Variants in MAPT observed in about 807,000 individuals in gnomAD.
The protein encoded by MAPT is microtubule associated protein tau, also known as microtubule-associated protein tau.
MAPT carries 34 observed loss-of-function variants against 67.9 expected under a neutral mutation model. The ratio of observed to expected loss-of-function variants is 0.50; its 90% CI spans 0.38 to 0.67. MAPT has a LOEUF of 0.67. MAPT is among the 30% of genes least tolerant of loss of function. MAPT has a pLI of 0.00. For synonymous variants in MAPT, 456 were observed against 464.5 expected (o/e 0.98, Z 0.23); for missense variants, 881 against 1,115.2 (o/e 0.79, Z 2.99).
In MAPT at chr17:45,978,405, G is replaced by T; in HGVS notation, c.251G>T (p.Ser84Ile). The change falls in exon 4 of 13, where the codon AGC becomes ATC. Residue 84 changes from serine to isoleucine, a missense_variant. Around this residue, in one of 6 missense-constraint regions of MAPT, gnomAD observed 687 missense variants for 766.1 expected, o/e 0.90. Coordinates refer to ENST00000262410, the MANE Select transcript of MAPT (RefSeq NM_001377265.1). The stretch of plus-strand genomic sequence containing the variant: ...GAAGCAGGCATTGGAGACACCCCCA[G>T]CCTGGAAGACGAAGCTGCTGGTCAC... ...AEEAGIGDTP[S>I]LEDEAAGHVT... 6.2e-7 allele frequency: 1 copy of T among 1,613,758 alleles called. No individual in the cohort carries two copies. Among genetic ancestry groups the T allele is most frequent in the Non-Finnish European group, 8.5e-7 (1 of 1,179,954 alleles).
At chr17:46,011,151 C>T (rs1182693825) in intron 10 of MAPT, among the ~76,000 whole-genome samples, 1 of 152,160 alleles carries the variant, frequency 6.6e-6, no homozygotes, top group East Asian at 1.9e-4. Context: ...AATTCCAGCA[C>T]TTTGGGAGAC....
chr17:45,905,383 C>T (rs549519991), intron 1 of MAPT, among the ~76,000 whole-genome samples: 46 of 152,216 alleles, frequency 3.0e-4, no homozygotes, highest in Non-Finnish European at 5.6e-4. Context: ...ACTCTGTTCC[C>T]TGTGGAGTGT....
Position 46,024,253 on chromosome 17 carries a change from C to G in MAPT, c.*82C>G. The G allele has an allele frequency of 4.0e-6, 5 of 1,235,034 alleles. No homozygotes were observed. Among genetic ancestry groups the G allele is most frequent in the South Asian group, 3.7e-5 (3 of 81,126 alleles). The allele number at this position is 1,235,034 out of a possible 1,614,324, so 76.5% of individuals were successfully genotyped here. ...AAAAAAAGAATAATGACCCGGCCCCCGCCCTCTGCCCCCAGCTGCTCCTCG... is the reference window on the plus strand; with the variant it reads ...AAAAAAAGAATAATGACCCGGCCCCGGCCCTCTGCCCCCAGCTGCTCCTCG... On this transcript the variant is annotated 3_prime_UTR_variant, in exon 13 of 13. Coordinates refer to ENST00000262410, the MANE Select transcript of MAPT (RefSeq NM_001377265.1).
chr17:45,899,961 G>T (rs2063509795), intron 1 of MAPT, among the ~76,000 whole-genome samples: 1 of 152,168 alleles, frequency 6.6e-6, no homozygotes, highest in African/African-American at 2.4e-5. Context: ...GGGGGATCAA[G>T]ACGTAGATTC....
chr17:45,958,958 GA>G (rs751449369), intron 1 of MAPT, among the ~76,000 whole-genome samples: 29 of 152,158 alleles, frequency 1.9e-4, no homozygotes, highest in Non-Finnish European at 4.0e-4. Context: ...AGCTACTCGG[GA>G]GGCTGAGACA....
At position 46,015,105 on chromosome 17, in the gene MAPT, G is replaced by A. The variant is rs191992899; in HGVS notation, c.2173+781G>A. ...AAAAATAACTAAAAGATAGCCGGGT[G>A]CAGTGGCTTACGTCTGTAATCCCAG... On this transcript the variant is annotated intron_variant, in intron 11 of 12. Coordinates refer to ENST00000262410, the MANE Select transcript of MAPT (RefSeq NM_001377265.1). 2.5e-4 allele frequency among the ~76,000 whole-genome samples: 38 copies of A among 152,348 alleles called. 2 individuals are homozygous for A. In the East Asian group the frequency reaches 6.9e-3, roughly 28 times the overall value.
Position 45,926,550 on chromosome 17 carries a change from C to G in MAPT, c.-18+31864C>G, listed in dbSNP as rs180775345. On this transcript the variant is annotated intron_variant, in intron 1 of 12. Transcript: ENST00000262410. ...CTAGTCTCAAACTCCTGGGCTCAAG[C>G]TATCCTCCCACCTCGGCCTCCCGAA... 5.7e-3 allele frequency among the ~76,000 whole-genome samples: 868 copies of G among 152,264 alleles called. 26 individuals are homozygous for G. The highest frequency in any genetic ancestry group is 0.054 in the Admixed American group (821 of 15,284).
intron 12 of MAPT, among the ~76,000 whole-genome samples, chr17:46,022,327 G>A (rs1421867412): frequency 1.4e-5 from 2 of 145,682 alleles, no homozygotes; most frequent in Non-Finnish European, 3.0e-5. Flanking sequence ...GCACTCCAGC[G>A]TGGGTGACAA....
rs747643127 is a variant in MAPT, at chr17:45,971,937, C to G, written c.212C>G (p.Thr71Arg). Residue 71 changes from threonine to arginine, a missense_variant, in exon 3 of 13, where the codon ACA becomes AGA. Thr to Arg is a moderately conservative substitution (Grantham distance 71). This residue lies in a region of MAPT where 687 missense variants were observed against 766.1 expected (regional missense o/e 0.90). Transcript: ENST00000262410. The surrounding 1 kb of genome is among the most constrained non-coding windows in gnomAD (Gnocchi z 4.3). ...SETSDAKSTP[T>R]AEAEEAGIGD... ...ACCTCTGATGCTAAGAGCACTCCAA[C>G]AGCGGAAGGTGGGCCCCCCTTCAGA... is the stretch of plus-strand genomic sequence containing the variant. The G allele has an allele frequency of 6.2e-7, 1 of 1,614,056 alleles. No homozygotes were observed. The highest frequency in any genetic ancestry group is 1.1e-5 in the South Asian group (1 of 91,078).
At chr17:45,989,111 G>A (rs2073848846) in intron 6 of MAPT, among the ~76,000 whole-genome samples, 1 of 152,048 alleles carries the variant, frequency 6.6e-6, no homozygotes. Context: ...ATGGGTTAAT[G>A]GGCAGGTAAA....
Position 45,996,578 on chromosome 17 carries a change from G to T in MAPT, c.1912G>T (p.Ala638Ser). Residue 638 changes from alanine (A) to serine (S), a missense_variant, in exon 9 of 13, where the codon GCC (alanine) becomes TCC (serine). This residue lies in a region of MAPT where 45 missense variants were observed against 43.2 expected (regional missense o/e 1.04). Transcript: ENST00000262410. This position sits in a 1 kb window ranked among gnomAD's most constrained non-coding sequence, Gnocchi z 4.5. Reference sequence around the variant, plus strand: ...TTCCGCCAAGAGCCGCCTGCAGACAGCCCCCGTGCCCATGCCAGACCTGAA... The same window carrying T: ...TTCCGCCAAGAGCCGCCTGCAGACATCCCCCGTGCCCATGCCAGACCTGAA... ...PSSAKSRLQT[A>S]PVPMPDLKNV... 1 of 1,613,814 alleles carries T rather than the reference G, an allele frequency of 6.2e-7. No homozygotes were observed. The highest frequency in any genetic ancestry group is 2.2e-5 in the East Asian group (1 of 44,866).
intron 6 of MAPT, among the ~76,000 whole-genome samples, chr17:45,987,651 C>T (rs1351928415): frequency 6.6e-6 from 1 of 152,260 alleles, no homozygotes; most frequent in Admixed American, 6.5e-5. Context: ...AAATTTCCAG[C>T]ATAAATTCTG....
At chr17:45,918,459 T>A (rs2065395388) in intron 1 of MAPT, among the ~76,000 whole-genome samples, 1 of 152,114 alleles carries the variant, frequency 6.6e-6, no homozygotes, top group South Asian at 2.1e-4. Flanking sequence ...CTGAGCCTGG[T>A]TCGGAATCAT....
Position 45,996,357 on chromosome 17 carries a change from A to C in MAPT, c.1733-42A>C. 1 of 1,604,306 alleles carries C rather than the reference A, an allele frequency of 6.2e-7. No homozygotes were observed. Among genetic ancestry groups the C allele is most frequent in the South Asian group, 1.1e-5 (1 of 91,042 alleles). Reference sequence around the variant, plus strand: ...AGCCCCCAGGGCCTTTTCTGACCCCACCCACTCGAGTCCTGGCTTCACTCC... The same window carrying C: ...AGCCCCCAGGGCCTTTTCTGACCCCCCCCACTCGAGTCCTGGCTTCACTCC... On this transcript the variant is annotated intron_variant, in intron 8 of 12. Coordinates refer to ENST00000262410, the MANE Select transcript of MAPT (RefSeq NM_001377265.1). This position sits in a 1 kb window ranked among gnomAD's most constrained non-coding sequence, Gnocchi z 4.5.
intron 1 of MAPT, among the ~76,000 whole-genome samples, chr17:45,922,163 G>T (rs62058965): frequency 3.3e-5 from 5 of 151,884 alleles, no homozygotes; most frequent in Non-Finnish European, 7.4e-5. Flanking sequence ...CAAGCATGCA[G>T]CACCACACCT....
intron 11 of MAPT, among the ~76,000 whole-genome samples, chr17:46,015,669 CA>C (rs1302229270): frequency 6.6e-6 from 1 of 151,956 alleles, no homozygotes; most frequent in Non-Finnish European, 1.5e-5. Flanking sequence ...AAAACAAAAA[CA>C]AAAACAAAAA....
chr17:45,938,238 T>C (rs2067531478), intron 1 of MAPT, among the ~76,000 whole-genome samples: 1 of 152,236 alleles, frequency 6.6e-6, no homozygotes, highest in African/African-American at 2.4e-5. Flanking sequence ...AAGGTTGCGG[T>C]CCTTTCTGGA....
intron 1 of MAPT, among the ~76,000 whole-genome samples, chr17:45,922,823 C>CA (rs958593280): frequency 1.0e-3 from 147 of 146,750 alleles, no homozygotes; most frequent in African/African-American, 2.6e-3. Flanking sequence ...AGAAACAAAA[C>CA]AAAAAAAAAA....
At chr17:45,993,895 T>C (rs745733709) in intron 8 of MAPT, 11 of 1,555,320 alleles carry the variant, frequency 7.1e-6, no homozygotes, top group East Asian at 4.8e-5. Context: ...CTGATGATAA[T>C]AAGGCTTTCG....
Sources: gnomAD v4.1 joint callset for allele counts (sites outside exome capture counted in the v4.1 genomes callset) on GRCh38, gnomAD v4.1.1 for gene constraint, gnomAD v4.1.1 regional missense constraint, Gnocchi (gnomAD v3.1) non-coding constraint, MANE v1.5 for transcripts, NCBI Gene and HGNC (gene_info 2026-07-23, HGNC 2026-07-21) for gene names.